CDH22: variants seen among roughly 807,000 people sequenced by gnomAD.
CDH22 encodes the protein cadherin-22.
A neutral mutation model predicts 58.4 loss-of-function variants in CDH22; 30 were observed. The ratio of observed to expected loss-of-function variants is 0.51; its 90% CI spans 0.38 to 0.70. The LOEUF (loss-of-function observed/expected upper bound fraction) is 0.70, where lower values mean the gene tolerates loss of function less well. CDH22 is among the 30% of genes least tolerant of loss of function. CDH22 has a pLI of 0.00. For synonymous variants in CDH22, 513 were observed against 558.2 expected, an observed-to-expected ratio of 0.92 and a Z score of 1.14; for missense variants, 1,014 against 1,233.9, an observed-to-expected ratio of 0.82 and a Z score of 2.67.
rs762294407 is a variant in CDH22 at position 46,210,426 on chromosome 20, G to A, written c.1167C>T (p.Asp389=). 1 of 1,454,514 alleles carries A rather than the reference G, an allele frequency of 6.9e-7. No individual in the cohort carries two copies. Among genetic ancestry groups the A allele is most frequent in the Admixed American group, 2.7e-5 (1 of 36,454 alleles). The allele number at this position is 1,454,514 out of a possible 1,614,324, so 90.1% of individuals were successfully genotyped here. Residue 389 remains aspartate (D), a synonymous_variant, in exon 7 of 12, where the codon GAC becomes GAT. Coordinates refer to ENST00000537909, the MANE Select transcript of CDH22 (RefSeq NM_021248.3). The surrounding 1 kb of genome is among the most constrained non-coding windows in gnomAD (Gnocchi z 4.5). The stretch of plus-strand genomic sequence containing the variant: ...AGGGCGGCCGGAACTCGGGGGGCTC[G>A]TCCACGTCGGTCACGGCCACGCGCA... ...AIVRVAVTDV[D]EPPEFRPPSG...
chr20:46,184,347 C>T (rs1175289994), intron 10 of CDH22, among the ~76,000 whole-genome samples: 2 of 152,190 alleles, frequency 1.3e-5, no homozygotes, highest in African/African-American at 2.4e-5. Flanking sequence ...AATCCGCCCA[C>T]TTCAGCCTCC....
At chr20:46,253,353 G>GA (rs1435906358) in intron 1 of CDH22, among the ~76,000 whole-genome samples, 1 of 152,188 alleles carries the variant, frequency 6.6e-6, no homozygotes, top group Non-Finnish European at 1.5e-5. Flanking sequence ...GGGTGACGGT[G>GA]AAGGGGTTAA....
chr20:46,185,130 T>TACACACAC (rs11467388), intron 10 of CDH22, among the ~76,000 whole-genome samples: 2 of 148,656 alleles, frequency 1.3e-5, no homozygotes, highest in Non-Finnish European at 3.0e-5. Context: ...CCCACACGCA[T>TACACACAC]ACACACACAC....
intron 2 of CDH22, among the ~76,000 whole-genome samples, chr20:46,248,815 AAAAAAC>A (rs1173514025): frequency 6.6e-6 from 1 of 152,182 alleles, no homozygotes. Context: ...ACTCTGTCTC[AAAAAAC>A]AAAAACAAAA....
At position 46,216,535 on chromosome 20, in the gene CDH22, G is replaced by A. The variant is rs1265594841; in HGVS notation, c.838+291C>T. 6.6e-6 allele frequency among the ~76,000 whole-genome samples: 1 copy of A among 152,188 alleles called. No individual in the cohort carries two copies. Among genetic ancestry groups the A allele is most frequent in the Non-Finnish European group, 1.5e-5 (1 of 68,038 alleles). ...TTGGAGGATGGACGGAAGGGTGGAT[G>A]GGTGGGGCTCCCCCTCTGCCGGAAG... On this transcript the variant is annotated intron_variant, in intron 5 of 11. Coordinates refer to ENST00000537909, the MANE Select transcript of CDH22 (RefSeq NM_021248.3). This position sits in a 1 kb window ranked among gnomAD's most constrained non-coding sequence, Gnocchi z 5.3.
intron 2 of CDH22, among the ~76,000 whole-genome samples, chr20:46,249,156 CAAGGTCACTCAGTG>C (rs1046242693): frequency 6.6e-6 from 1 of 152,166 alleles, no homozygotes; most frequent in African/African-American, 2.4e-5. Flanking sequence ...GTAACTTGTT[CAAGGTCACTCAGTG>C]AAGGGATTGG....
chr20:46,275,559 G>T (rs2086513441), intron 1 of CDH22, among the ~76,000 whole-genome samples: 1 of 152,230 alleles, frequency 6.6e-6, no homozygotes, highest in Non-Finnish European at 1.5e-5. Context: ...ACACTTCAAG[G>T]GGATAGGAAT....
intron 3 of CDH22, among the ~76,000 whole-genome samples, chr20:46,236,960 G>A (rs1017831828): frequency 2.6e-5 from 4 of 152,142 alleles, no homozygotes; most frequent in Admixed American, 2.0e-4. Flanking sequence ...CCCAAAGTGC[G>A]AGGATTACAG....
intron 7 of CDH22, among the ~76,000 whole-genome samples, chr20:46,199,832 G>C (rs1426100116): frequency 6.6e-6 from 1 of 152,186 alleles, no homozygotes; most frequent in Non-Finnish European, 1.5e-5. Flanking sequence ...TGCAGTTGTC[G>C]TGAGGGTTGG....
chr20:46,233,663 T>A (rs1242506541), intron 3 of CDH22, among the ~76,000 whole-genome samples: 2 of 152,212 alleles, frequency 1.3e-5, no homozygotes. Context: ...ATTTGTTGGA[T>A]GATTTGTTGA....
At chr20:46,306,882 A>G (rs1181668629) in intron 1 of CDH22, among the ~76,000 whole-genome samples, 1 of 152,202 alleles carries the variant, frequency 6.6e-6, no homozygotes, top group African/African-American at 2.4e-5. Flanking sequence ...AATGAAGGAC[A>G]GAGAGTCGCG....
At position 46,197,709 on chromosome 20, in the gene CDH22, C is replaced by A. The variant is rs560097081; in HGVS notation, c.1423+1714G>T. On this transcript the variant is annotated intron_variant, in intron 8 of 11. Coordinates refer to ENST00000537909, the MANE Select transcript of CDH22 (RefSeq NM_021248.3). ...TCCTCTCCAGCCACCTTTGTTATCT[C>A]CCTTTCATGCGGTAGAGGAGTGGAT... Among the ~76,000 whole-genome samples, 542 of 152,352 alleles carry A rather than the reference C, an allele frequency of 3.6e-3. 1 individual carries two copies. Among genetic ancestry groups the A allele is most frequent in the Non-Finnish European group, 6.3e-3 (429 of 68,038 alleles).
chr20:46,187,175 C>T (rs2085832725), intron 8 of CDH22, among the ~76,000 whole-genome samples: 1 of 152,050 alleles, frequency 6.6e-6, no homozygotes, highest in Non-Finnish European at 1.5e-5. Flanking sequence ...GGCATTATCA[C>T]TACAACGCTT....
intron 8 of CDH22, among the ~76,000 whole-genome samples, chr20:46,195,571 G>A (rs2085893464): frequency 6.6e-6 from 1 of 151,666 alleles, no homozygotes; most frequent in African/African-American, 2.4e-5. Context: ...TGCCCCCCTT[G>A]GCACTCCCGC....
At chr20:46,204,391 C>T (rs2145678737) in intron 7 of CDH22, among the ~76,000 whole-genome samples, 1 of 66,622 alleles carries the variant, frequency 1.5e-5, no homozygotes, top group African/African-American at 7.2e-5. Context: ...GAGACTCTGT[C>T]TCAAAAAAAA....
chr20:46,291,370 A>G (rs2086601755), intron 1 of CDH22, among the ~76,000 whole-genome samples: 2 of 152,240 alleles, frequency 1.3e-5, no homozygotes, highest in South Asian at 4.1e-4. Context: ...GTCGCTCTAA[A>G]TGCTTTACAT....
chr20:46,227,479 T>G (rs1190966361), intron 4 of CDH22, 29 bp downstream of exon 4: 31 of 768,766 alleles, frequency 4.0e-5, no homozygotes, highest in Non-Finnish European at 5.5e-5. Context: ...GCCCCACGGC[T>G]CCGCCTCTGG....
intron 6 of CDH22, among the ~76,000 whole-genome samples, chr20:46,211,868 C>T (rs2086045652): frequency 6.6e-6 from 1 of 151,864 alleles, no homozygotes; most frequent in African/African-American, 2.4e-5. Context: ...GATGCATGGC[C>T]TTGGGAAAGT....
chr20:46,287,854 C>T (rs6032753), intron 1 of CDH22, among the ~76,000 whole-genome samples: 7 of 152,096 alleles, frequency 4.6e-5, no homozygotes, highest in African/African-American at 9.6e-5. Flanking sequence ...GAATGAAACA[C>T]GGACATGGGA....
Sources: allele counts gnomAD v4.1 joint callset (sites outside exome capture counted in the v4.1 genomes callset), GRCh38; gene constraint gnomAD v4.1.1; non-coding constraint Gnocchi (gnomAD v3.1); transcripts MANE v1.5; gene names NCBI Gene and HGNC (gene_info 2026-07-23, HGNC 2026-07-21).